COG5: variants seen among roughly 807,000 people sequenced by gnomAD.
COG5 encodes conserved oligomeric Golgi complex subunit 5.
In COG5, 86 loss-of-function variants were observed where a neutral mutation model predicts 110.4. The observed-to-expected ratio is 0.78, with a 90% confidence interval of 0.65 to 0.93. The LOEUF (loss-of-function observed/expected upper bound fraction) is 0.93, where lower values mean the gene tolerates loss of function less well. Among genes scored for constraint, COG5 ranks in the 40% least tolerant of loss-of-function variants. COG5 has a pLI of 0.00. For synonymous variants in COG5, 360 were observed against 334.6 expected (o/e 1.08, Z -0.83); for missense variants, 1,077 against 987.0 (o/e 1.09, Z -1.22).
chr7:107,407,722 G>A (rs1005536709), intron 7 of COG5, among the ~76,000 whole-genome samples: 1 of 151,090 alleles, frequency 6.6e-6, no homozygotes. Context: ...GGAGGACAAA[G>A]TTGGGTAAAG....
At chr7:107,448,277 T>C (rs1178513235) in intron 6 of COG5, among the ~76,000 whole-genome samples, 3 of 152,234 alleles carry the variant, frequency 2.0e-5, no homozygotes, top group Admixed American at 6.5e-5. Flanking sequence ...TTCACACTAA[T>C]GTTCACCTTG....
intron 21 of COG5, chr7:107,207,955 CA>C (rs953453194): frequency 9.1e-6 from 9 of 985,354 alleles, no homozygotes; most frequent in Non-Finnish European, 1.1e-5. Flanking sequence ...AATGAGTATA[CA>C]ACAAGGTTTG....
intron 7 of COG5, among the ~76,000 whole-genome samples, chr7:107,407,184 C>A (rs1287374388): frequency 6.6e-6 from 1 of 152,010 alleles, no homozygotes; most frequent in Non-Finnish European, 1.5e-5. Context: ...GAGTTTGAGA[C>A]CAGTCTGGCC....
chr7:107,370,286 T>G (rs887760115), intron 8 of COG5, among the ~76,000 whole-genome samples: 1 of 152,208 alleles, frequency 6.6e-6, no homozygotes, highest in South Asian at 2.1e-4. Flanking sequence ...TTTTAAAATT[T>G]TGAAATAATC....
At chr7:107,366,537 T>C (rs1178527317) in intron 8 of COG5, among the ~76,000 whole-genome samples, 2 of 151,934 alleles carry the variant, frequency 1.3e-5, no homozygotes, top group Non-Finnish European at 2.9e-5. Flanking sequence ...ACACACAGCG[T>C]TCAACTGAGA....
intron 7 of COG5, among the ~76,000 whole-genome samples, chr7:107,405,672 G>A (rs1332064452): frequency 6.6e-6 from 1 of 152,168 alleles, no homozygotes; most frequent in Non-Finnish European, 1.5e-5. Flanking sequence ...TCTCCCTTTA[G>A]GAAAATTACA....
intron 13 of COG5, among the ~76,000 whole-genome samples, chr7:107,283,141 C>T (rs1272397293): frequency 7.2e-5 from 11 of 152,098 alleles, no homozygotes; most frequent in East Asian, 1.9e-4. Flanking sequence ...CTTAAAATAG[C>T]GAACACAAGC....
chr7:107,243,381 C>T (rs1801800160), intron 17 of COG5, among the ~76,000 whole-genome samples: 1 of 151,800 alleles, frequency 6.6e-6, no homozygotes, highest in South Asian at 2.1e-4. Context: ...GGTGCGGTGG[C>T]GGGTGCCTGT....
Position 107,406,771 on chromosome 7 carries a change from C to T in COG5, c.669+5731G>A, listed in dbSNP as rs182407194. 1.1e-4 allele frequency among the ~76,000 whole-genome samples: 17 copies of T among 152,152 alleles called. No individual in the cohort carries two copies. In the East Asian group the frequency reaches 3.3e-3, roughly 29 times the overall value. ...TTCTAGAATTACTTGGTTTGAGTCC[C>T]ATGACTCTAAAATATGATACAATTT... On this transcript the variant is annotated intron_variant, in intron 7 of 21. Transcript: ENST00000297135.
At chr7:107,231,018 T>G (rs954479291) in intron 18 of COG5, among the ~76,000 whole-genome samples, 2 of 152,226 alleles carry the variant, frequency 1.3e-5, no homozygotes, top group African/African-American at 4.8e-5. Context: ...GCCTATACTT[T>G]AGGCATTACA....
chr7:107,385,230 C>T (rs1160853142), intron 7 of COG5, among the ~76,000 whole-genome samples: 1 of 152,212 alleles, frequency 6.6e-6, no homozygotes, highest in African/African-American at 2.4e-5. Context: ...CAGAACCTCA[C>T]AAGAGGCTAA....
At chr7:107,383,465 C>A (rs543633903) in intron 7 of COG5, among the ~76,000 whole-genome samples, 2 of 152,256 alleles carry the variant, frequency 1.3e-5, no homozygotes, top group South Asian at 2.1e-4. Flanking sequence ...TAAATGAGGT[C>A]TAGGGAACTC....
At position 107,453,465 on chromosome 7, in the gene COG5, A is replaced by T. The variant is rs1403253495; in HGVS notation, c.539-40833T>A. 2.0e-5 allele frequency among the ~76,000 whole-genome samples: 3 copies of T among 152,136 alleles called. No homozygotes were observed. The South Asian group carries it at 6.2e-4, about 32-fold the overall frequency. On this transcript the variant is annotated intron_variant, in intron 6 of 21. Transcript: ENST00000297135. ...TCTTCCTGAACATCAGCAAAACCAAATGTATTTTATACTCTTGTCTCAGCA... is the reference window on the plus strand; with the variant it reads ...TCTTCCTGAACATCAGCAAAACCAATTGTATTTTATACTCTTGTCTCAGCA...
At chr7:107,219,153 T>C (rs1255122866) in intron 19 of COG5, among the ~76,000 whole-genome samples, 1 of 152,114 alleles carries the variant, frequency 6.6e-6, no homozygotes, top group Non-Finnish European at 1.5e-5. Flanking sequence ...TATCACCTCA[T>C]GCCTGTCAGA....
intron 21 of COG5, among the ~76,000 whole-genome samples, chr7:107,207,340 G>A (rs1360373680): frequency 1.3e-5 from 2 of 152,192 alleles, no homozygotes; most frequent in East Asian, 3.8e-4. Context: ...GTACAGAGGA[G>A]CTGAGGGAAT....
At chr7:107,402,064 ACT>A (rs1791473454) in intron 7 of COG5, among the ~76,000 whole-genome samples, 1 of 152,164 alleles carries the variant, frequency 6.6e-6, no homozygotes, top group Non-Finnish European at 1.5e-5. Flanking sequence ...AAAATTTCTT[ACT>A]GTATACTATA....
chr7:107,553,622 T>C (rs2129176571), intron 3 of COG5, among the ~76,000 whole-genome samples: 1 of 152,292 alleles, frequency 6.6e-6, no homozygotes, highest in South Asian at 2.1e-4. Context: ...TTCATATTTA[T>C]GAGATGTAGT....
rs79434899 is a variant in COG5 at position 107,444,030 on chromosome 7, T to G, written c.539-31398A>C. Among the ~76,000 whole-genome samples, 1,262 of 152,294 alleles carry G rather than the reference T, an allele frequency of 8.3e-3. 17 individuals are homozygous for G. The highest frequency in any genetic ancestry group is 0.026 in the African/African-American group (1,100 of 41,574). ...AGACGCCTACCTCAAATAATCCTAA[T>G]GGACTGACAGTTGAAAGACATAGAC... On this transcript the variant is annotated intron_variant, in intron 6 of 21. Coordinates refer to ENST00000297135, the MANE Select transcript of COG5 (RefSeq NM_006348.5).
At chr7:107,321,331 A>G (rs1441143251) in intron 11 of COG5, among the ~76,000 whole-genome samples, 1 of 152,172 alleles carries the variant, frequency 6.6e-6, no homozygotes, top group Admixed American at 6.6e-5. Flanking sequence ...AAATAAATAG[A>G]ATAATACAGG....
Sources: gnomAD v4.1 joint callset for allele counts (sites outside exome capture counted in the v4.1 genomes callset) on GRCh38, gnomAD v4.1.1 for gene constraint, MANE v1.5 for transcripts, NCBI Gene and HGNC (gene_info 2026-07-23, HGNC 2026-07-21) for gene names.